Variants in EPHA3 observed in about 807,000 individuals in gnomAD.
EPHA3 encodes ephrin type-A receptor 3.
A neutral mutation model predicts 107.1 loss-of-function variants in EPHA3; 42 were observed. The ratio of observed to expected loss-of-function variants is 0.39; its 90% confidence interval spans 0.31 to 0.51. The LOEUF is 0.51. EPHA3 is among the 20% of genes least tolerant of loss of function. EPHA3 has a pLI of 0.78. For missense variants in EPHA3, 1,183 were observed against 1,211.2 expected, an observed-to-expected ratio of 0.98 and a Z score of 0.35; for synonymous variants, 461 against 424.8, an observed-to-expected ratio of 1.09 and a Z score of -1.05.
chr3:89,439,436 G>A (rs559284191), intron 13 of EPHA3, among the ~76,000 whole-genome samples: 2 of 152,168 alleles, frequency 1.3e-5, no homozygotes, highest in South Asian at 2.1e-4. Flanking sequence ...TTAGGCTGGG[G>A]CAACAGAGTG....
intron 2 of EPHA3, among the ~76,000 whole-genome samples, chr3:89,208,460 A>AAGAAAGAAAGAAAG (rs1559600850): frequency 6.7e-5 from 7 of 104,996 alleles, no homozygotes; most frequent in African/African-American, 3.2e-4. Flanking sequence ...GAAAGAAAGA[A>AAGAAAGAAAGAAAG]AGAAAGAAAG....
At chr3:89,274,727 G>A (rs1375540708) in intron 3 of EPHA3, among the ~76,000 whole-genome samples, 4 of 152,034 alleles carry the variant, frequency 2.6e-5, no homozygotes, top group Non-Finnish European at 4.4e-5. Flanking sequence ...AAAGTTTTCC[G>A]CACTTTTGGA....
At chr3:89,440,879 T>C (rs1412450742) in intron 13 of EPHA3, among the ~76,000 whole-genome samples, 2 of 152,236 alleles carry the variant, frequency 1.3e-5, no homozygotes, top group Non-Finnish European at 2.9e-5. Flanking sequence ...TGCAATTTAT[T>C]CCAAAGTTAG....
At chr3:89,390,451 T>A (rs189595925) in intron 5 of EPHA3, among the ~76,000 whole-genome samples, 2,433 of 152,028 alleles carry the variant, frequency 0.016, 69 homozygotes, top group African/African-American at 0.055. Context: ...ATACAAAAAA[T>A]TAGCTAGGCA....
At chr3:89,389,656 T>A (rs1282288925) in intron 5 of EPHA3, among the ~76,000 whole-genome samples, 1 of 152,208 alleles carries the variant, frequency 6.6e-6, no homozygotes, top group Non-Finnish European at 1.5e-5. Flanking sequence ...AGAGGCAGAA[T>A]AATGGCAAAT....
At chr3:89,467,369 G>A (rs569237474) in intron 15 of EPHA3, among the ~76,000 whole-genome samples, 38 of 152,090 alleles carry the variant, frequency 2.5e-4, no homozygotes, top group Non-Finnish European at 5.3e-4. Flanking sequence ...TAATTATAAT[G>A]TTACAGTATG....
chr3:89,406,142 GTGTT>G (rs1709050848), intron 7 of EPHA3, among the ~76,000 whole-genome samples: 1 of 152,182 alleles, frequency 6.6e-6, no homozygotes, highest in Non-Finnish European at 1.5e-5. Context: ...ATATTTAAGA[GTGTT>G]TGGTGATTAA....
At chr3:89,284,235 T>C (rs1002661725) in intron 3 of EPHA3, among the ~76,000 whole-genome samples, 5 of 152,128 alleles carry the variant, frequency 3.3e-5, no homozygotes, top group Non-Finnish European at 7.4e-5. Context: ...TTTGGGGTAG[T>C]TCTGTAAATT....
chr3:89,317,644 T>C (rs1453714409), intron 3 of EPHA3, among the ~76,000 whole-genome samples: 1 of 151,780 alleles, frequency 6.6e-6, no homozygotes, highest in South Asian at 2.1e-4. Flanking sequence ...ATCAAAGAAA[T>C]GTTAAACCTT....
At chr3:89,223,864 G>A (rs1344679756) in intron 3 of EPHA3, among the ~76,000 whole-genome samples, 1 of 152,008 alleles carries the variant, frequency 6.6e-6, no homozygotes, top group Non-Finnish European at 1.5e-5. Flanking sequence ...CTAAAATATA[G>A]TAACGAATTT....
intron 9 of EPHA3, among the ~76,000 whole-genome samples, chr3:89,411,588 T>G (rs1709154857): frequency 6.6e-6 from 1 of 151,922 alleles, no homozygotes. Context: ...ATTCTCACAC[T>G]TACGTTTTTT....
At chr3:89,252,551 G>A (rs2107265453) in intron 3 of EPHA3, among the ~76,000 whole-genome samples, 2 of 152,144 alleles carry the variant, frequency 1.3e-5, no homozygotes, top group Middle Eastern at 3.4e-3. Flanking sequence ...GCAACACAGG[G>A]AGATTCCATC....
In EPHA3 at chr3:89,276,487, T is replaced by C. The variant is rs542137542; in HGVS notation, c.815-64429T>C. Among the ~76,000 whole-genome samples the C allele has an allele frequency of 3.6e-4, 55 of 152,238 alleles. 1 individual carries two copies. In the South Asian group the frequency reaches 0.011, roughly 30 times the overall value. On this transcript the variant is annotated intron_variant, in intron 3 of 16. Coordinates refer to ENST00000336596, the MANE Select transcript of EPHA3 (RefSeq NM_005233.6). ...GCAAATGTCTCCACAGTGCTCCTAA[T>C]TGAAGTTCTGATAATATAGCATTGC...
intron 3 of EPHA3, among the ~76,000 whole-genome samples, chr3:89,249,081 T>C (rs1705102918): frequency 6.6e-6 from 1 of 152,218 alleles, no homozygotes; most frequent in East Asian, 1.9e-4. Context: ...CAATGAGCTG[T>C]GAGTAAAAGT....
At chr3:89,449,902 A>G (rs2107554340) in intron 14 of EPHA3, among the ~76,000 whole-genome samples, 1 of 152,304 alleles carries the variant, frequency 6.6e-6, no homozygotes, top group Non-Finnish European at 1.5e-5. Flanking sequence ...AATTTGCTCT[A>G]TCATTTAACA....
In EPHA3 at chr3:89,281,470, CAGG is replaced by C. The variant is rs1353256171; in HGVS notation, c.815-59442_815-59440del. 2.6e-5 allele frequency among the ~76,000 whole-genome samples: 4 copies of C among 152,256 alleles called. No individual in the cohort carries two copies. The East Asian group carries it at 7.7e-4, about 29-fold the overall frequency. On this transcript the variant is annotated intron_variant, in intron 3 of 16. Transcript: ENST00000336596. ...ATGGAAACCTGCTCTAATTCTGCTG[CAGG>C]AGGTTTTCTCCATTATTGATACTGT...
intron 3 of EPHA3, among the ~76,000 whole-genome samples, chr3:89,250,056 G>T (rs564449101): frequency 6.6e-6 from 1 of 152,260 alleles, no homozygotes; most frequent in Non-Finnish European, 1.5e-5. Flanking sequence ...TTTTGTGATG[G>T]ATCTTTTCAC....
chr3:89,119,286 C>T (rs1298172503), intron 1 of EPHA3, among the ~76,000 whole-genome samples: 3 of 152,090 alleles, frequency 2.0e-5, no homozygotes, highest in Admixed American at 2.0e-4. Context: ...ATAAAAACTT[C>T]TGTAGGTGCT....
intron 7 of EPHA3, chr3:89,399,963 A>T (rs2107509348): frequency 9.5e-7 from 1 of 1,048,016 alleles, no homozygotes; most frequent in South Asian, 4.6e-5. Flanking sequence ...ATTCACATTC[A>T]GAAGTAATTT....
Sources: allele counts gnomAD v4.1 joint callset (sites outside exome capture counted in the v4.1 genomes callset), GRCh38; gene constraint gnomAD v4.1.1; transcripts MANE v1.5; gene names NCBI Gene and HGNC (gene_info 2026-07-23, HGNC 2026-07-21).